MYO18A: variants seen among roughly 807,000 people sequenced by gnomAD.
The protein encoded by MYO18A is unconventional myosin-XVIIIa.
MYO18A carries 78 observed loss-of-function variants against 235.8 expected under a neutral mutation model. The ratio of observed to expected loss-of-function variants is 0.33; its 90% CI spans 0.28 to 0.40. The LOEUF is 0.40. Among genes scored for constraint, MYO18A ranks in the 10% least tolerant of loss-of-function variants. MYO18A has a pLI of 1.00. For missense variants in MYO18A, 2,215 were observed against 2,699.3 expected, an observed-to-expected ratio of 0.82 and a Z score of 3.98; for synonymous variants, 977 against 1,077.8, an observed-to-expected ratio of 0.91 and a Z score of 1.83.
chr17:29,120,897 G>C lies in MYO18A; in HGVS notation c.1585+101C>G, dbSNP rs927950165. On this transcript the variant is annotated intron_variant, in intron 6 of 41. Transcript: ENST00000527372. This position sits in a 1 kb window ranked among gnomAD's most constrained non-coding sequence, Gnocchi z 4.2. ...TGGACAGAGGGGTTTCGGGGGGATG[G>C]AAAGGCCAGGGAGAAAAAGAGCTGG... 34 of 1,557,698 alleles carry C rather than the reference G, an allele frequency of 2.2e-5. No homozygotes were observed. Among genetic ancestry groups the C allele is most frequent in the Non-Finnish European group, 3.0e-5 (34 of 1,145,458 alleles).
rs751766555 is a variant in MYO18A at position 29,097,228 on chromosome 17, G to A, written c.4225C>T (p.Arg1409Trp). The change falls in exon 27 of 42, where the codon CGG (arginine) becomes TGG (tryptophan). Residue 1409 changes from arginine to tryptophan, a missense_variant. Arg to Trp is a moderately radical substitution (Grantham distance 101). Coordinates refer to ENST00000527372, the MANE Select transcript of MYO18A (RefSeq NM_078471.4). Reference sequence around the variant, plus strand: ...CAGCTCCTCCCCAGCCTCACCCGCCGTTCCAGCTGCCTCTTGTTCTGCTGC... The same window carrying A: ...CAGCTCCTCCCCAGCCTCACCCGCCATTCCAGCTGCCTCTTGTTCTGCTGC... ...VEQQNKRQLE[R>W]RLGDLQADSE... 1.8e-5 allele frequency: 29 copies of A among 1,609,368 alleles called. No individual in the cohort carries two copies. Among genetic ancestry groups the A allele is most frequent in the Middle Eastern group, 1.7e-4 (1 of 6,056 alleles).
At chr17:29,142,241 G>C (rs1200198056) in intron 2 of MYO18A, among the ~76,000 whole-genome samples, 3 of 152,218 alleles carry the variant, frequency 2.0e-5, no homozygotes, top group Non-Finnish European at 4.4e-5. Flanking sequence ...TGGACACTGG[G>C]ATTTTTTATT....
Position 29,086,593 on chromosome 17 carries a change from C to T in MYO18A, c.5713-16G>A. On this transcript the variant is annotated splice_polypyrimidine_tract_variant and intron_variant, in intron 38 of 41. Transcript: ENST00000527372. ...GATCCATCTCCTAGGAGGAAGGGGG[C>T]AGCCCAGTTTGCAGGAGGGCTAGCT... The T allele has an allele frequency of 6.2e-7, 1 of 1,611,466 alleles. No homozygotes were observed. The highest frequency in any genetic ancestry group is 1.1e-5 in the South Asian group (1 of 90,656).
At position 29,090,930 on chromosome 17, in the gene MYO18A, G is replaced by T; in HGVS notation, c.5188-4C>A. 1 of 1,612,544 alleles carries T rather than the reference G, an allele frequency of 6.2e-7. No homozygotes were observed. The highest frequency in any genetic ancestry group is 8.5e-7 in the Non-Finnish European group (1 of 1,178,858). On this transcript the variant is annotated splice_polypyrimidine_tract_variant and splice_region_variant and intron_variant, in intron 34 of 41. Coordinates refer to ENST00000527372, the MANE Select transcript of MYO18A (RefSeq NM_078471.4). ...GGCGGCTCAGCTGCTCCTCCAGCTG[G>T]AGAGAGGCAAAGACAGATCAGAGGG...
chr17:29,166,947 G>T lies in MYO18A; in HGVS notation c.-7C>A. On this transcript the variant is annotated 5_prime_UTR_variant, in exon 2 of 42. Transcript: ENST00000527372. ...TCTTCATTAGGTTAAACATGGTGGG[G>T]GTGCTGTTTGTAGGGGTAGCACCCC... 6.5e-7 allele frequency: 1 copy of T among 1,526,788 alleles called. No individual in the cohort carries two copies. The highest frequency in any genetic ancestry group is 8.8e-7 in the Non-Finnish European group (1 of 1,132,384). 94.6% of individuals were successfully genotyped at this position (1,526,788 alleles called of 1,614,324 possible). A position where few individuals can be genotyped will look rare whatever the true frequency, so the allele number is the denominator to read the frequency against.
chr17:29,121,159 T>C lies in MYO18A; in HGVS notation c.1424A>G (p.Tyr475Cys), dbSNP rs1160932483. 20 of 1,610,650 alleles carry C rather than the reference T, an allele frequency of 1.2e-5. No homozygotes were observed. The highest frequency in any genetic ancestry group is 2.2e-5 in the East Asian group (1 of 44,800). ...CCTGTATGCGGTCTGGGCCACTGCA[T>C]AGATGTGGGGTGCCATGTCCTCCCG... ...CRREDMAPHI[Y>C]AVAQTAYRAM... Residue 475 changes from tyrosine to cysteine, a missense_variant, in exon 6 of 42, where the codon TAT becomes TGT. Transcript: ENST00000527372. The surrounding 1 kb of genome is among the most constrained non-coding windows in gnomAD (Gnocchi z 4.2).
At chr17:29,132,114 G>T (rs746580632) in intron 2 of MYO18A, among the ~76,000 whole-genome samples, 1 of 152,200 alleles carries the variant, frequency 6.6e-6, no homozygotes, top group Admixed American at 6.5e-5. Context: ...GTTAGGGGCG[G>T]GGTATGGAGG....
intron 37 of MYO18A, 137 bp downstream of exon 37, chr17:29,089,824 C>T (rs1421781621): frequency 3.9e-5 from 44 of 1,138,936 alleles, no homozygotes; most frequent in Admixed American, 3.8e-4. Flanking sequence ...AGCACCTGCC[C>T]GTCAGCTGGC....
chr17:29,175,625 A>G (rs1044023635), intron 1 of MYO18A, among the ~76,000 whole-genome samples: 10 of 151,770 alleles, frequency 6.6e-5, no homozygotes, highest in Non-Finnish European at 1.5e-4. Context: ...CAGCCTCCCA[A>G]AGTCCTGGGA....
chr17:29,081,003 G>T, intron 41 of MYO18A: 1 of 985,510 alleles, frequency 1.0e-6, no homozygotes, highest in Non-Finnish European at 1.2e-6. Context: ...TAGAGAGGCT[G>T]TTGAGGGCCG....
chr17:29,101,713 G>C (rs780250020), intron 21 of MYO18A, among the ~76,000 whole-genome samples: 18 of 152,220 alleles, frequency 1.2e-4, no homozygotes, highest in Non-Finnish European at 2.2e-4. Flanking sequence ...AGGACACATA[G>C]CCACCTGACC....
chr17:29,084,407 C>A (rs901822715), intron 40 of MYO18A, among the ~76,000 whole-genome samples: 2 of 152,182 alleles, frequency 1.3e-5, no homozygotes, highest in Non-Finnish European at 1.5e-5. Context: ...TGCCTGCCCT[C>A]GCCTTCCCTT....
At chr17:29,119,468 G>T (rs1282354677) in intron 7 of MYO18A, 33 bp from the exon 8 acceptor site, 4 of 1,539,570 alleles carry the variant, frequency 2.6e-6, no homozygotes, top group Non-Finnish European at 3.5e-6. Flanking sequence ...GGGTAAGGAG[G>T]GTAGTGCCAG....
At chr17:29,154,099 A>AGTGT (rs200703096) in intron 2 of MYO18A, among the ~76,000 whole-genome samples, 61 of 149,384 alleles carry the variant, frequency 4.1e-4, no homozygotes, top group African/African-American at 1.4e-3. Flanking sequence ...TAAATTCTGC[A>AGTGT]GAGTGTGTGT....
intron 21 of MYO18A, among the ~76,000 whole-genome samples, chr17:29,102,741 A>T (rs1598304423): frequency 1.3e-5 from 2 of 152,356 alleles, no homozygotes; most frequent in South Asian, 4.1e-4. Context: ...AGGAGCCAGG[A>T]AAGTGACTCA....
At chr17:29,086,800 C>T in intron 38 of MYO18A, 136 bp downstream of exon 38, 3 of 1,193,398 alleles carry the variant, frequency 2.5e-6, no homozygotes, top group South Asian at 3.2e-5. Context: ...TCTTGATATG[C>T]TCCTCCTCCC....
Position 29,093,488 on chromosome 17 carries a change from C to T in MYO18A, c.4822-61G>A, listed in dbSNP as rs552289414. ...TTTAGTGCCTGGTGCGAAGCAGGCC[C>T]CTTCCATTCTGGGTTCCCCACTCCA... On this transcript the variant is annotated intron_variant, in intron 31 of 41. Coordinates refer to ENST00000527372, the MANE Select transcript of MYO18A (RefSeq NM_078471.4). The T allele has an allele frequency of 6.9e-5, 92 of 1,334,134 alleles. 1 individual carries two copies. The South Asian group carries it at 1.1e-3, about 16-fold the overall frequency. The allele number at this position is 1,334,134 out of a possible 1,614,324, so 82.6% of individuals were successfully genotyped here.
At chr17:29,169,996 C>G (rs1044767149) in intron 1 of MYO18A, among the ~76,000 whole-genome samples, 1 of 152,190 alleles carries the variant, frequency 6.6e-6, no homozygotes, top group African/African-American at 2.4e-5. Flanking sequence ...AGCAGCAGCA[C>G]AAGGGATGGC....
intron 1 of MYO18A, among the ~76,000 whole-genome samples, chr17:29,177,709 G>C (rs753727913): frequency 3.9e-5 from 6 of 152,138 alleles, no homozygotes; most frequent in Non-Finnish European, 7.4e-5. Flanking sequence ...AGTGGGCTGG[G>C]CCCTCCTACT....
Sources: gnomAD v4.1 joint callset for allele counts (sites outside exome capture counted in the v4.1 genomes callset) on GRCh38, gnomAD v4.1.1 for gene constraint, Gnocchi (gnomAD v3.1) non-coding constraint, MANE v1.5 for transcripts, NCBI Gene and HGNC (gene_info 2026-07-23, HGNC 2026-07-21) for gene names.